Variants in DTNA observed in about 807,000 individuals in gnomAD.
DTNA encodes the protein dystrobrevin alpha.
A neutral mutation model predicts 100.7 loss-of-function variants in DTNA; 43 were observed. The ratio of observed to expected loss-of-function variants is 0.43; its 90% CI spans 0.33 to 0.55. The LOEUF is 0.55. DTNA is among the 20% of genes least tolerant of loss of function. DTNA has a pLI of 0.04. For missense variants in DTNA, 798 were observed against 953.9 expected, an observed-to-expected ratio of 0.84 and a Z score of 2.15; for synonymous variants, 349 against 347.9, an observed-to-expected ratio of 1.00 and a Z score of -0.04.
Position 34,600,437 on chromosome 18 carries a change from C to T in DTNA, c.-2+106923C>T, listed in dbSNP as rs556077948. Among the ~76,000 whole-genome samples the T allele has an allele frequency of 3.3e-5, 5 of 152,162 alleles. No individual in the cohort carries two copies. In the East Asian group the frequency reaches 5.8e-4, roughly 18 times the overall value. On this transcript the variant is annotated intron_variant, in intron 1 of 19. Coordinates refer to the DTNA transcript ENST00000283365. ...CTCAGTTTATTTTTTGTACTCATTC[C>T]TATATAGTGTGATAGTTCACACATT...
chr18:34,668,583 A>G (rs2076281777), intron 1 of DTNA, among the ~76,000 whole-genome samples: 1 of 151,786 alleles, frequency 6.6e-6, no homozygotes, highest in Non-Finnish European at 1.5e-5. Context: ...ATTTCCCTCT[A>G]CACACTGCTT....
chr18:34,686,055 T>A (rs969516252), intron 1 of DTNA, among the ~76,000 whole-genome samples: 5 of 152,196 alleles, frequency 3.3e-5, no homozygotes, highest in African/African-American at 1.2e-4. Context: ...TGATGGGGTT[T>A]CCTAAATATA....
At chr18:34,811,703 A>G (rs2095489714) in intron 5 of DTNA, among the ~76,000 whole-genome samples, 1 of 152,192 alleles carries the variant, frequency 6.6e-6, no homozygotes, top group African/African-American at 2.4e-5. Context: ...AAAGACATTT[A>G]ATAAGTGTCT....
At chr18:34,586,655 A>T (rs1208781361) in intron 1 of DTNA, among the ~76,000 whole-genome samples, 1 of 152,242 alleles carries the variant, frequency 6.6e-6, no homozygotes, top group Non-Finnish European at 1.5e-5. Context: ...AACTTGAATT[A>T]GAACCAGTTT....
At chr18:34,589,739 T>C (rs980659449) in intron 1 of DTNA, among the ~76,000 whole-genome samples, 4 of 152,222 alleles carry the variant, frequency 2.6e-5, no homozygotes, top group Non-Finnish European at 5.9e-5. Flanking sequence ...TATATAACTC[T>C]CTTTTTGTAC....
At chr18:34,802,135 C>A (rs1217822213) in intron 4 of DTNA, among the ~76,000 whole-genome samples, 1 of 152,256 alleles carries the variant, frequency 6.6e-6, no homozygotes, top group Non-Finnish European at 1.5e-5. Context: ...AGTATACAGA[C>A]TTTTTCTGTG....
At chr18:34,863,030 T>C (rs900411844) in intron 16 of DTNA, among the ~76,000 whole-genome samples, 8 of 152,220 alleles carry the variant, frequency 5.3e-5, no homozygotes, top group Non-Finnish European at 1.2e-4. Context: ...CATGCAGTTT[T>C]AGTATGTAAG....
intron 1 of DTNA, among the ~76,000 whole-genome samples, chr18:34,596,889 C>T (rs1218318659): frequency 6.6e-6 from 1 of 152,080 alleles, no homozygotes; most frequent in Non-Finnish European, 1.5e-5. Flanking sequence ...TTGTGGGATA[C>T]ATGTGCAGAA....
chr18:34,833,624 T>C (rs1260866313), intron 11 of DTNA, among the ~76,000 whole-genome samples: 2 of 152,148 alleles, frequency 1.3e-5, no homozygotes, highest in Admixed American at 6.6e-5. Context: ...GGTATGGCTG[T>C]TCCCACAACC....
chr18:34,757,103 A>G (rs1377453854), intron 2 of DTNA: 1 of 152,160 alleles, frequency 6.6e-6, no homozygotes, highest in Non-Finnish European at 1.5e-5. Flanking sequence ...GAGGAAAGAA[A>G]ATTAAAATTG....
intron 1 of DTNA, among the ~76,000 whole-genome samples, chr18:34,514,901 G>A (rs1199576181): frequency 6.6e-6 from 1 of 151,976 alleles, no homozygotes; most frequent in Non-Finnish European, 1.5e-5. Context: ...GTGAGTTTCA[G>A]GGGGACACAG....
At chr18:34,596,682 A>G (rs2050679071) in intron 1 of DTNA, among the ~76,000 whole-genome samples, 2 of 152,168 alleles carry the variant, frequency 1.3e-5, no homozygotes, top group African/African-American at 4.8e-5. Flanking sequence ...TCTTCGTTCT[A>G]GAGAACATAT....
At chr18:34,848,184 T>C (rs1421044976) in intron 13 of DTNA, 112 bp from the exon 14 acceptor site, 15 of 955,074 alleles carry the variant, frequency 1.6e-5, no homozygotes, top group Non-Finnish European at 2.1e-5. Flanking sequence ...TTGTGTAGTT[T>C]GCAAATCTTT....
At chr18:34,868,516 G>A in intron 17 of DTNA, 1 of 985,358 alleles carries the variant, frequency 1.0e-6, no homozygotes, top group Non-Finnish European at 1.2e-6. Context: ...TTTTATTTAT[G>A]AGTGTTTCTC....
At chr18:34,829,124 G>C in intron 10 of DTNA, 4 of 1,614,000 alleles carry the variant, frequency 2.5e-6, no homozygotes, top group Non-Finnish European at 3.4e-6. Context: ...ACTTTGAGCT[G>C]TTCTGGTTCC....
chr18:34,586,136 T>C (rs1003460447), intron 1 of DTNA, among the ~76,000 whole-genome samples: 3 of 152,204 alleles, frequency 2.0e-5, no homozygotes, highest in African/African-American at 7.2e-5. Flanking sequence ...AAAGGTTCCA[T>C]AGAAAACAAC....
At chr18:34,856,448 C>G (rs1016140309) in intron 15 of DTNA, among the ~76,000 whole-genome samples, 1 of 152,200 alleles carries the variant, frequency 6.6e-6, no homozygotes, top group African/African-American at 2.4e-5. Context: ...GGTAATGGTT[C>G]CTTATAGCAC....
rs200543428 is a variant in DTNA at position 34,819,024 on chromosome 18, G to A, written c.876+694G>A. 1.1e-4 allele frequency among the ~76,000 whole-genome samples: 17 copies of A among 152,198 alleles called. No individual in the cohort carries two copies. In the East Asian group the frequency reaches 2.7e-3, roughly 24 times the overall value. On this transcript the variant is annotated intron_variant, in intron 8 of 22. Transcript: ENST00000444659. Reference sequence around the variant, plus strand: ...TTATGATTTACTGATGTTTATCTTCGTTAAACTCAAAGATCAGTTCCAGCA... The same window carrying A: ...TTATGATTTACTGATGTTTATCTTCATTAAACTCAAAGATCAGTTCCAGCA...
rs139214085 is a variant in DTNA, at chr18:34,855,617, G to T, written c.1533-2668G>T. Reference sequence around the variant, plus strand: ...GTTCTTTCCTTCCTCCTATCCATCTGTCCCGATATAAAGAGAAGGGATAAA... The same window carrying T: ...GTTCTTTCCTTCCTCCTATCCATCTTTCCCGATATAAAGAGAAGGGATAAA... On this transcript the variant is annotated intron_variant, in intron 15 of 22. Transcript: ENST00000444659. 1.7e-4 allele frequency among the ~76,000 whole-genome samples: 26 copies of T among 152,110 alleles called. 1 individual carries two copies. The highest frequency in any genetic ancestry group is 1.7e-3 in the Admixed American group (26 of 15,282).
Sources: gnomAD v4.1 joint callset for allele counts (sites outside exome capture counted in the v4.1 genomes callset) on GRCh38, gnomAD v4.1.1 for gene constraint, MANE v1.5 for transcripts, NCBI Gene and HGNC (gene_info 2026-07-23, HGNC 2026-07-21) for gene names.